DYRK4: variants seen among roughly 807,000 people sequenced by gnomAD.
The protein encoded by DYRK4 is dual specificity tyrosine-phosphorylation-regulated kinase 4.
In DYRK4, 64 loss-of-function variants were observed where a neutral mutation model predicts 68.3. The observed-to-expected ratio is 0.94, with a 90% CI of 0.77 to 1.15. The LOEUF is 1.15. Ranked by LOEUF, DYRK4 falls within the 50% of genes most tolerant of loss-of-function variation. DYRK4 has a pLI of 0.00. For missense variants in DYRK4, 740 were observed against 764.7 expected, an observed-to-expected ratio of 0.97 and a Z score of 0.38; for synonymous variants, 274 against 289.9, an observed-to-expected ratio of 0.95 and a Z score of 0.56.
intron 2 of DYRK4, among the ~76,000 whole-genome samples, chr12:4,576,160 C>A (rs1242103995): frequency 6.6e-6 from 1 of 152,158 alleles, no homozygotes; most frequent in African/African-American, 2.4e-5. Flanking sequence ...TAAAAATACC[C>A]CATTGTCCAT....
chr12:4,594,176 C>A (rs980870811), intron 6 of DYRK4, among the ~76,000 whole-genome samples: 1 of 152,122 alleles, frequency 6.6e-6, no homozygotes, highest in Non-Finnish European at 1.5e-5. Flanking sequence ...AGACAACCTG[C>A]GCATACATAA....
intron 10 of DYRK4, among the ~76,000 whole-genome samples, chr12:4,600,700 G>A (rs1340818739): frequency 1.3e-5 from 2 of 151,626 alleles, no homozygotes; most frequent in African/African-American, 4.9e-5. Flanking sequence ...GTATTGAGAA[G>A]GGGTGTGAAG....
At chr12:4,596,561 C>T (rs1323952633) in intron 7 of DYRK4, 28 bp from the exon 8 acceptor site, 1 of 1,605,594 alleles carries the variant, frequency 6.2e-7, no homozygotes, top group East Asian at 2.2e-5. Flanking sequence ...CCATTTCCCA[C>T]CCTGCCGGCC....
intron 1 of DYRK4, chr12:4,563,111 C>T (rs1036139719): frequency 2.2e-6 from 1 of 456,032 alleles, no homozygotes; most frequent in Non-Finnish European, 4.4e-6. Context: ...AAGTTCAAAC[C>T]GTGGAAACAA....
At chr12:4,593,470 G>T (rs760309591) in intron 6 of DYRK4, among the ~76,000 whole-genome samples, 3 of 152,130 alleles carry the variant, frequency 2.0e-5, no homozygotes, top group African/African-American at 7.2e-5. Flanking sequence ...ACTGGAAAAG[G>T]CCAGACTGAA....
rs1436748893 is a variant in DYRK4, at chr12:4,613,723, G to A, written c.1875G>A (p.Lys625=). The change falls in exon 15 of 15, where the codon AAG becomes AAA. Residue 625 remains lysine (K), a synonymous_variant. Transcript: ENST00000543431. The surrounding 1 kb of genome is among the most constrained non-coding windows in gnomAD (Gnocchi z 4.0). ...SPGQSKNFSL[K]NTNVLPPIV The stretch of plus-strand genomic sequence containing the variant: ...GACAGAGCAAAAACTTCTCCCTCAA[G>A]AACACAAACGTTTTACCCCCTATTG... 1 of 1,578,440 alleles carries A rather than the reference G, an allele frequency of 6.3e-7. No homozygotes were observed.
At chr12:4,569,332 A>G (rs1944708477) in intron 2 of DYRK4, among the ~76,000 whole-genome samples, 2 of 152,226 alleles carry the variant, frequency 1.3e-5, no homozygotes, top group South Asian at 4.1e-4. Flanking sequence ...AATATAATAA[A>G]GATGGCATTC....
At chr12:4,586,814 G>A (rs1424343011) in intron 2 of DYRK4, among the ~76,000 whole-genome samples, 1 of 151,938 alleles carries the variant, frequency 6.6e-6, no homozygotes, top group East Asian at 1.9e-4. Flanking sequence ...AGCAAAGATC[G>A]CTCTCTCCAT....
At chr12:4,576,661 C>T (rs1324228175) in intron 2 of DYRK4, among the ~76,000 whole-genome samples, 1 of 152,202 alleles carries the variant, frequency 6.6e-6, no homozygotes, top group East Asian at 1.9e-4. Flanking sequence ...GTTATGCCAC[C>T]TCCTTGCCAG....
intron 2 of DYRK4, among the ~76,000 whole-genome samples, chr12:4,570,071 A>G (rs924265361): frequency 2.1e-5 from 3 of 139,538 alleles, no homozygotes; most frequent in Non-Finnish European, 3.1e-5. Flanking sequence ...TAATAATAAT[A>G]ATAATAATGA....
intron 3 of DYRK4, 56 bp downstream of exon 3, chr12:4,589,073 G>A: frequency 6.7e-7 from 1 of 1,501,568 alleles, no homozygotes; most frequent in Admixed American, 2.0e-5. Flanking sequence ...GAGGTGGGTG[G>A]CCAGGGTAGC....
At chr12:4,584,813 C>G (rs1944878726) in intron 2 of DYRK4, among the ~76,000 whole-genome samples, 1 of 152,126 alleles carries the variant, frequency 6.6e-6, no homozygotes, top group Non-Finnish European at 1.5e-5. Context: ...CCTCGGCCTC[C>G]CAAAGTGCTG....
intron 8 of DYRK4, chr12:4,597,245 A>G (rs1945029115): frequency 1.5e-6 from 1 of 680,712 alleles, no homozygotes; most frequent in Non-Finnish European, 1.8e-6. Flanking sequence ...TGGAGCTGAC[A>G]AGGCATGCTA....
intron 6 of DYRK4, among the ~76,000 whole-genome samples, chr12:4,593,540 G>T (rs1032168883): frequency 6.6e-6 from 1 of 152,102 alleles, no homozygotes; most frequent in African/African-American, 2.4e-5. Context: ...CCCATACATG[G>T]ACTCTTTTCT....
intron 4 of DYRK4, 181 bp from the exon 5 acceptor site, chr12:4,590,979 G>A (rs1299402280): frequency 2.8e-6 from 2 of 713,990 alleles, no homozygotes; most frequent in Non-Finnish European, 4.5e-6. Flanking sequence ...GTGTCAGTCA[G>A]ACAGATGCTT....
intron 2 of DYRK4, among the ~76,000 whole-genome samples, chr12:4,573,887 T>C (rs1944756771): frequency 6.6e-6 from 1 of 152,174 alleles, no homozygotes; most frequent in African/African-American, 2.4e-5. Flanking sequence ...GTATAAAGAA[T>C]GATACAATGA....
At chr12:4,572,602 A>G (rs1944743992) in intron 2 of DYRK4, among the ~76,000 whole-genome samples, 1 of 152,152 alleles carries the variant, frequency 6.6e-6, no homozygotes, top group Non-Finnish European at 1.5e-5. Flanking sequence ...GCCTATGGAC[A>G]TGTTTTAAAA....
intron 2 of DYRK4, among the ~76,000 whole-genome samples, chr12:4,581,989 G>C (rs1246791239): frequency 6.6e-6 from 1 of 152,144 alleles, no homozygotes; most frequent in East Asian, 1.9e-4. Flanking sequence ...GTGGCCTGAG[G>C]CACCTTTATA....
chr12:4,594,709 CTT>C (rs57307639), intron 6 of DYRK4, among the ~76,000 whole-genome samples: 6 of 146,316 alleles, frequency 4.1e-5, no homozygotes, highest in Non-Finnish European at 6.0e-5. Context: ...TTAGAAAAGC[CTT>C]TTTTTTTTTT....
Sources: gnomAD v4.1 joint callset for allele counts (sites outside exome capture counted in the v4.1 genomes callset) on GRCh38, gnomAD v4.1.1 for gene constraint, Gnocchi (gnomAD v3.1) non-coding constraint, MANE v1.5 for transcripts, NCBI Gene and HGNC (gene_info 2026-07-23, HGNC 2026-07-21) for gene names.